PLXNA4: variants seen among roughly 807,000 people sequenced by gnomAD.
PLXNA4 encodes plexin A4.
A neutral mutation model predicts 191.8 loss-of-function variants in PLXNA4; 44 were observed. The observed-to-expected ratio is 0.23, with a 90% CI of 0.18 to 0.29. PLXNA4 has a LOEUF of 0.29. Ranked by LOEUF, PLXNA4 falls within the 10% of genes least tolerant of loss-of-function variation. The pLI is 1.00. For missense variants in PLXNA4, 1,800 were observed against 2,488.8 expected (o/e 0.72, Z 5.89); for synonymous variants, 1,082 against 1,009.5 (o/e 1.07, Z -1.36).
intron 2 of PLXNA4, among the ~76,000 whole-genome samples, chr7:132,612,794 C>T (rs1803078358): frequency 6.6e-6 from 1 of 151,934 alleles, no homozygotes; most frequent in Admixed American, 6.6e-5. Flanking sequence ...TATTTTGCAG[C>T]ACCCCTGAGC....
intron 2 of PLXNA4, among the ~76,000 whole-genome samples, chr7:132,616,558 G>C (rs1348846027): frequency 6.6e-6 from 1 of 152,072 alleles, no homozygotes; most frequent in African/African-American, 2.4e-5. Flanking sequence ...TCCACCCCCA[G>C]TATATACATA....
At chr7:132,231,507 C>A (rs1286276203) in intron 5 of PLXNA4, among the ~76,000 whole-genome samples, 1 of 152,222 alleles carries the variant, frequency 6.6e-6, no homozygotes, top group Non-Finnish European at 1.5e-5. Context: ...TCTCTGCAAC[C>A]TCCACCTCCT....
At chr7:132,521,148 G>A (rs949952774) in intron 1 of PLXNA4, among the ~76,000 whole-genome samples, 9 of 147,740 alleles carry the variant, frequency 6.1e-5, no homozygotes, top group Non-Finnish European at 1.0e-4. Context: ...CACTGCAGCC[G>A]GAAGCTGAAC....
chr7:132,602,341 T>C (rs1300902601), intron 2 of PLXNA4, among the ~76,000 whole-genome samples: 1 of 152,186 alleles, frequency 6.6e-6, no homozygotes, highest in Non-Finnish European at 1.5e-5. Context: ...CAGGGAGGTT[T>C]GGAGCTCAGT....
intron 4 of PLXNA4, among the ~76,000 whole-genome samples, chr7:132,253,060 T>A (rs1326910044): frequency 6.6e-6 from 1 of 152,204 alleles, no homozygotes; most frequent in African/African-American, 2.4e-5. Context: ...GAGTTACATA[T>A]TTGCTAACAG....
At chr7:132,476,726 A>T (rs967321394) in intron 3 of PLXNA4, among the ~76,000 whole-genome samples, 9 of 152,194 alleles carry the variant, frequency 5.9e-5, no homozygotes, top group Non-Finnish European at 1.0e-4. Context: ...TACTTAGGGA[A>T]AATTAATTTG....
chr7:132,326,612 G>A (rs1290437650), intron 3 of PLXNA4, among the ~76,000 whole-genome samples: 4 of 152,162 alleles, frequency 2.6e-5, no homozygotes, highest in African/African-American at 9.7e-5. Context: ...AACCTCACAA[G>A]GCTGGCCCTC....
At chr7:132,598,722 A>G (rs1802763051) in intron 2 of PLXNA4, among the ~76,000 whole-genome samples, 2 of 150,650 alleles carry the variant, frequency 1.3e-5, no homozygotes, top group South Asian at 2.1e-4. Context: ...TCTTCTCCCA[A>G]TTGTCATCAG....
chr7:132,290,722 C>G (rs1457979922), intron 4 of PLXNA4, among the ~76,000 whole-genome samples: 2 of 151,988 alleles, frequency 1.3e-5, no homozygotes, highest in Admixed American at 6.6e-5. Flanking sequence ...AGAAAAGAGA[C>G]AGAGAGAAAC....
chr7:132,245,238 AG>A (rs561006087), intron 4 of PLXNA4, among the ~76,000 whole-genome samples: 88 of 152,214 alleles, frequency 5.8e-4, no homozygotes, highest in Non-Finnish European at 7.1e-4. Flanking sequence ...AGAACAAATC[AG>A]ATGGTGACGT....
In PLXNA4 at chr7:132,127,213, T is replaced by TC. The variant is rs1227341350; in HGVS notation, c.*3265dup. ...TTGATGGCTCAGTCTGGTACCATTT[T>TC]CCCTGGGAGGGTACGGGATAAGTTG... On this transcript the variant is annotated 3_prime_UTR_variant, in exon 32 of 32. Transcript: ENST00000321063. The TC allele has an allele frequency of 6.6e-6, 1 of 152,216 alleles. No homozygotes were observed. The allele number at this position is 152,216 out of a possible 1,614,324, so 9.4% of individuals were successfully genotyped here.
chr7:132,358,120 T>A (rs1346027704), intron 3 of PLXNA4, among the ~76,000 whole-genome samples: 3 of 152,246 alleles, frequency 2.0e-5, no homozygotes, highest in Non-Finnish European at 4.4e-5. Context: ...CAAAATGAAG[T>A]CTTCCTGTGA....
intron 3 of PLXNA4, among the ~76,000 whole-genome samples, chr7:132,434,134 G>A (rs868314096): frequency 6.6e-5 from 10 of 152,260 alleles, no homozygotes; most frequent in South Asian, 2.1e-4. Flanking sequence ...CTTCCTTTCC[G>A]TTCCTATTTC....
At chr7:132,198,663 A>G (rs1207033641) in intron 12 of PLXNA4, 27 bp from the exon 13 acceptor site, 1 of 1,611,860 alleles carries the variant, frequency 6.2e-7, no homozygotes, top group Non-Finnish European at 8.5e-7. Context: ...AAATAATTAG[A>G]CAAACACCAA....
intron 3 of PLXNA4, among the ~76,000 whole-genome samples, chr7:132,371,079 G>A (rs899486567): frequency 6.6e-5 from 10 of 152,130 alleles, no homozygotes; most frequent in Admixed American, 3.3e-4. Flanking sequence ...GGAAAGGCAC[G>A]CTTCCAGGTT....
chr7:132,327,470 C>T (rs1802419349), intron 3 of PLXNA4, among the ~76,000 whole-genome samples: 1 of 152,132 alleles, frequency 6.6e-6, no homozygotes, highest in Non-Finnish European at 1.5e-5. Flanking sequence ...ATTCTCACCC[C>T]TACCCACAAA....
At chr7:132,569,931 A>G (rs1013629248) in intron 1 of PLXNA4, among the ~76,000 whole-genome samples, 1 of 152,226 alleles carries the variant, frequency 6.6e-6, no homozygotes, top group Non-Finnish European at 1.5e-5. Context: ...GGTTCAGTGG[A>G]AATTTTCACT....
intron 1 of PLXNA4, among the ~76,000 whole-genome samples, chr7:132,563,782 TTCCTCCTCCTTC>T (rs1252688231): frequency 0.15 from 3,471 of 23,840 alleles, 636 homozygotes; most frequent in Non-Finnish European, 0.21. Context: ...CCTCCTCCTC[TTCCTCCTCCTTC>T]TCCTCCTCCT....
rs368638967 is a variant in PLXNA4, at chr7:132,370,067, CAAA to C, written c.1372-71848_1372-71846del. On this transcript the variant is annotated intron_variant, in intron 3 of 31. Coordinates refer to ENST00000321063, the MANE Select transcript of PLXNA4 (RefSeq NM_020911.2). ...TGAGCGACAGAGTGAGACTCTGACT[CAAA>C]AAAAAAAAAAAAAAAGGTATGCAGT... Among the ~76,000 whole-genome samples, 468 of 111,032 alleles carry C rather than the reference CAAA, an allele frequency of 4.2e-3. 2 individuals are homozygous for C. Among genetic ancestry groups the C allele is most frequent in the African/African-American group, 0.01 (350 of 33,720 alleles). 72.8% of individuals were successfully genotyped at this position (111,032 alleles called of 152,430 possible).
Sources: allele counts gnomAD v4.1 joint callset (sites outside exome capture counted in the v4.1 genomes callset), GRCh38; gene constraint gnomAD v4.1.1; transcripts MANE v1.5; gene names NCBI Gene and HGNC (gene_info 2026-07-23, HGNC 2026-07-21).